MLLT10: variants seen among roughly 807,000 people sequenced by gnomAD.
The protein encoded by MLLT10 is protein AF-10.
MLLT10 carries 30 observed loss-of-function variants against 129.1 expected under a neutral mutation model. The ratio of observed to expected loss-of-function variants is 0.23; its 90% CI spans 0.17 to 0.32. The LOEUF (loss-of-function observed/expected upper bound fraction) is 0.32. Ranked by LOEUF, MLLT10 falls within the 10% of genes least tolerant of loss-of-function variation. The pLI, the probability that MLLT10 is intolerant of heterozygous loss-of-function variation, is 1.00. For missense variants in MLLT10, 1,119 were observed against 1,268.3 expected (o/e 0.88, Z 1.79); for synonymous variants, 490 against 446.4 (o/e 1.10, Z -1.23).
At position 21,647,644 on chromosome 10, in the gene MLLT10, G is replaced by A. The variant is rs542145981; in HGVS notation, c.700-4029G>A. 3.4e-5 allele frequency among the ~76,000 whole-genome samples: 5 copies of A among 148,360 alleles called. No homozygotes were observed. In the South Asian group the frequency reaches 1.1e-3, roughly 33 times the overall value. ...TAGGAGAAAAATACTACCTTTAGTT[G>A]TTTTAATACTTGGGTTGCATGTTTC... On this transcript the variant is annotated intron_variant, in intron 8 of 22. Coordinates refer to ENST00000307729, the MANE Select transcript of MLLT10 (RefSeq NM_001195626.3).
At chr10:21,670,851 A>T in intron 10 of MLLT10, 147 bp downstream of exon 10, 1 of 878,510 alleles carries the variant, frequency 1.1e-6, no homozygotes. Context: ...AGATTACTTT[A>T]AAGATAGTGT....
In MLLT10 at chr10:21,735,242, T is replaced by C; in HGVS notation, c.2955+7T>C. 1 of 1,595,090 alleles carries C rather than the reference T, an allele frequency of 6.3e-7. No homozygotes were observed. Among genetic ancestry groups the C allele is most frequent in the Non-Finnish European group, 8.6e-7 (1 of 1,163,588 alleles). ...TTCTCAACAGCTCACACCAGTAAGT[T>C]CTTTCTTTTGATAATATCTTATTAG... On this transcript the variant is annotated splice_region_variant and intron_variant, in intron 21 of 22. Transcript: ENST00000307729.
At chr10:21,691,601 T>TC (rs1265522021) in intron 13 of MLLT10, among the ~76,000 whole-genome samples, 2 of 152,230 alleles carry the variant, frequency 1.3e-5, no homozygotes, top group South Asian at 2.1e-4. Flanking sequence ...AATCTGATTT[T>TC]CCACCCAGAT....
At chr10:21,665,313 GGT>G (rs773337310) in intron 9 of MLLT10, among the ~76,000 whole-genome samples, 12 of 126,098 alleles carry the variant, frequency 9.5e-5, no homozygotes, top group Admixed American at 1.6e-4. Context: ...GGGGGGGGGG[GGT>G]TTCACTCTTG....
chr10:21,660,779 C>T (rs1289974920), intron 9 of MLLT10, among the ~76,000 whole-genome samples: 2 of 147,500 alleles, frequency 1.4e-5, no homozygotes, highest in East Asian at 2.0e-4. Flanking sequence ...GAGGCTGAGG[C>T]AGGGAATCAC....
chr10:21,712,789 G>A (rs2056219756), intron 13 of MLLT10, among the ~76,000 whole-genome samples: 1 of 152,248 alleles, frequency 6.6e-6, no homozygotes. Flanking sequence ...TCCAGGTATT[G>A]TGAAATGTCC....
intron 4 of MLLT10, among the ~76,000 whole-genome samples, chr10:21,592,336 A>C (rs2042582496): frequency 6.6e-6 from 1 of 151,622 alleles, no homozygotes; most frequent in Non-Finnish European, 1.5e-5. Flanking sequence ...TTAATGGAAA[A>C]CTTTTAAAAA....
chr10:21,717,783 T>G lies in MLLT10; in HGVS notation c.1878+3833T>G, dbSNP rs373813637. On this transcript the variant is annotated intron_variant, in intron 14 of 22. Coordinates refer to ENST00000307729, the MANE Select transcript of MLLT10 (RefSeq NM_001195626.3). ...CTCCTCCTCCGCTGCTGCTGCTGCT[T>G]CTTCTTCTTCTTCTTCTCCTTCTTC... 4.9e-3 allele frequency among the ~76,000 whole-genome samples: 633 copies of G among 129,694 alleles called. 9 individuals are homozygous for G. The highest frequency in any genetic ancestry group is 7.1e-3 in the Non-Finnish European group (427 of 60,474). The allele number at this position is 129,694 out of a possible 152,430, so 85.1% of individuals were successfully genotyped here.
intron 8 of MLLT10, among the ~76,000 whole-genome samples, chr10:21,633,321 T>C (rs980251376): frequency 5.3e-5 from 8 of 152,270 alleles, no homozygotes; most frequent in African/African-American, 1.7e-4. Flanking sequence ...GTAACACTTA[T>C]GATTTAGAAT....
Position 21,534,315 on chromosome 10 carries a change from C to CCCG in MLLT10, c.-204_-203insGCC, listed in dbSNP as rs1554774975. On this transcript the variant is annotated 5_prime_UTR_variant, in exon 1 of 23. Coordinates refer to ENST00000307729, the MANE Select transcript of MLLT10 (RefSeq NM_001195626.3). ...CCCTGGCCCAGCGGGAGCCCCCCCTCCCCCCAGTGCGCCTGTGCGGAGGCC... is the reference window on the plus strand; with the variant it reads ...CCCTGGCCCAGCGGGAGCCCCCCCTCCCGCCCCCAGTGCGCCTGTGCGGAGGCC... 1 of 391,228 alleles carries CCCG rather than the reference C, an allele frequency of 2.6e-6. No homozygotes were observed. The allele number at this position is 391,228 out of a possible 1,614,324, so 24.2% of individuals were successfully genotyped here.
At chr10:21,540,600 A>G (rs546370284) in intron 3 of MLLT10, among the ~76,000 whole-genome samples, 37 of 152,226 alleles carry the variant, frequency 2.4e-4, no homozygotes, top group African/African-American at 8.9e-4. Context: ...CATTTTTCCC[A>G]TTTGGATTTC....
chr10:21,559,802 A>T (rs1338171281), intron 3 of MLLT10, among the ~76,000 whole-genome samples: 2 of 152,232 alleles, frequency 1.3e-5, no homozygotes, highest in Non-Finnish European at 1.5e-5. Context: ...ATAGCTGAAT[A>T]CTACATAATC....
chr10:21,642,184 CTA>C (rs1411301344), intron 8 of MLLT10, among the ~76,000 whole-genome samples: 1 of 151,798 alleles, frequency 6.6e-6, no homozygotes, highest in Non-Finnish European at 1.5e-5. Context: ...AACCCAGTCT[CTA>C]TGAAAAATAA....
At chr10:21,689,565 G>GTATATATATATATATATATGTATA (rs2053624162) in intron 13 of MLLT10, among the ~76,000 whole-genome samples, 2 of 113,466 alleles carry the variant, frequency 1.8e-5, no homozygotes, top group African/African-American at 3.5e-5. Flanking sequence ...ATATATATAT[G>GTATATATATATATATATATGTATA]TATATATATA....
At chr10:21,604,559 A>C (rs1041679980) in intron 5 of MLLT10, among the ~76,000 whole-genome samples, 3 of 152,224 alleles carry the variant, frequency 2.0e-5, no homozygotes, top group Admixed American at 1.3e-4. Flanking sequence ...ATTGCACTCC[A>C]GCCTGGGTGG....
chr10:21,723,895 G>GT (rs1193809432), intron 14 of MLLT10, among the ~76,000 whole-genome samples: 5 of 152,066 alleles, frequency 3.3e-5, no homozygotes, highest in Admixed American at 6.5e-5. Flanking sequence ...GGTAATATCT[G>GT]TTTTTTCTGT....
intron 11 of MLLT10, among the ~76,000 whole-genome samples, chr10:21,677,565 C>G (rs1416205841): frequency 6.6e-6 from 1 of 152,118 alleles, no homozygotes; most frequent in Non-Finnish European, 1.5e-5. Flanking sequence ...CATGTAAATG[C>G]TATGCAAATA....
chr10:21,685,581 A>C (rs72802915), intron 13 of MLLT10, among the ~76,000 whole-genome samples: 1 of 152,192 alleles, frequency 6.6e-6, no homozygotes, highest in Non-Finnish European at 1.5e-5. Flanking sequence ...GTGATCCGCA[A>C]GTGGTCCACC....
chr10:21,571,735 G>A (rs1030362860), intron 3 of MLLT10, among the ~76,000 whole-genome samples: 7 of 152,156 alleles, frequency 4.6e-5, no homozygotes, highest in South Asian at 4.1e-4. Context: ...TTGACCATTC[G>A]TGTGTTCTCT....
Sources: gnomAD v4.1 joint callset for allele counts (sites outside exome capture counted in the v4.1 genomes callset) on GRCh38, gnomAD v4.1.1 for gene constraint, MANE v1.5 for transcripts, NCBI Gene and HGNC (gene_info 2026-07-23, HGNC 2026-07-21) for gene names.